Variants in SEMA5A observed in about 807,000 individuals in gnomAD.
SEMA5A encodes the protein semaphorin-5A.
SEMA5A carries 55 observed loss-of-function variants against 135.5 expected under a neutral mutation model. The observed-to-expected ratio is 0.41, with a 90% CI of 0.33 to 0.51. SEMA5A has a LOEUF of 0.51. Among genes scored for constraint, SEMA5A ranks in the 20% least tolerant of loss-of-function variants. The pLI is 0.37. For synonymous variants in SEMA5A, 580 were observed against 546.5 expected (o/e 1.06, Z -0.85); for missense variants, 1,290 against 1,419.9 (o/e 0.91, Z 1.47).
At chr5:9,495,236 C>T (rs1735240103) in intron 1 of SEMA5A, among the ~76,000 whole-genome samples, 1 of 152,094 alleles carries the variant, frequency 6.6e-6, no homozygotes, top group African/African-American at 2.4e-5. Context: ...GTGATTAAAC[C>T]ACCAATACTA....
intron 1 of SEMA5A, among the ~76,000 whole-genome samples, chr5:9,471,760 GA>G (rs1418717064): frequency 2.0e-5 from 3 of 152,132 alleles, no homozygotes; most frequent in Non-Finnish European, 2.9e-5. Flanking sequence ...CTTTTAACAA[GA>G]TTCATTAAAT....
chr5:9,189,388 A>C (rs1744974072), intron 11 of SEMA5A, among the ~76,000 whole-genome samples: 1 of 106,796 alleles, frequency 9.4e-6, no homozygotes, highest in Admixed American at 9.5e-5. Context: ...GATAGTAGCA[A>C]CTTCATGAAA....
At chr5:9,353,098 G>GAAAGGAAAGGGAAAGGAAAGGAAAGGA (rs1378151075) in intron 3 of SEMA5A, among the ~76,000 whole-genome samples, 2 of 21,788 alleles carry the variant, frequency 9.2e-5, no homozygotes, top group African/African-American at 5.0e-4. Context: ...GGAAAGGAAG[G>GAAAGGAAAGGGAAAGGAAAGGAAAGGA]AAGGAAAGGA....
chr5:9,497,120 A>G (rs1735342625), intron 1 of SEMA5A, among the ~76,000 whole-genome samples: 1 of 152,170 alleles, frequency 6.6e-6, no homozygotes, highest in African/African-American at 2.4e-5. Context: ...CACATTAGAT[A>G]CTTATAGGGA....
intron 4 of SEMA5A, among the ~76,000 whole-genome samples, chr5:9,322,655 G>C (rs889576140): frequency 2.0e-5 from 3 of 152,054 alleles, no homozygotes; most frequent in Non-Finnish European, 4.4e-5. Flanking sequence ...TTATAGATGA[G>C]AAAACTTCTA....
intron 1 of SEMA5A, among the ~76,000 whole-genome samples, chr5:9,473,305 T>G (rs1212646991): frequency 6.9e-6 from 1 of 145,396 alleles, no homozygotes; most frequent in African/African-American, 2.5e-5. Flanking sequence ...ACTTAAAAAC[T>G]CTACTTGTAA....
intron 3 of SEMA5A, among the ~76,000 whole-genome samples, chr5:9,370,904 T>G (rs1755108525): frequency 2.0e-5 from 3 of 152,230 alleles, no homozygotes; most frequent in African/African-American, 7.2e-5. Flanking sequence ...ATAAGGATTT[T>G]TATCTACCTT....
chr5:9,297,232 T>C (rs1751382093), intron 5 of SEMA5A, among the ~76,000 whole-genome samples: 1 of 150,504 alleles, frequency 6.6e-6, no homozygotes, highest in African/African-American at 2.5e-5. Flanking sequence ...ACATACTTTT[T>C]CCTAAGTTTT....
intron 2 of SEMA5A, among the ~76,000 whole-genome samples, chr5:9,396,179 A>G (rs1358294675): frequency 6.6e-6 from 1 of 151,822 alleles, no homozygotes; most frequent in African/African-American, 2.4e-5. Context: ...TTAAAACACA[A>G]ACATGAGGCA....
intron 1 of SEMA5A, among the ~76,000 whole-genome samples, chr5:9,534,365 TTTAA>T (rs1321458870): frequency 1.3e-5 from 2 of 152,206 alleles, no homozygotes; most frequent in African/African-American, 2.4e-5. Context: ...AACATACACT[TTTAA>T]TTAAACAACA....
chr5:9,272,594 A>T (rs1750038681), intron 5 of SEMA5A, among the ~76,000 whole-genome samples: 1 of 152,174 alleles, frequency 6.6e-6, no homozygotes. Flanking sequence ...GGGCCGACAG[A>T]CACCTCATAC....
intron 5 of SEMA5A, among the ~76,000 whole-genome samples, chr5:9,300,845 C>T (rs977951777): frequency 1.3e-5 from 2 of 152,146 alleles, no homozygotes; most frequent in Non-Finnish European, 2.9e-5. Flanking sequence ...CAAAGAACAC[C>T]TGGAGCCACT....
chr5:9,138,987 C>T (rs950246470), intron 12 of SEMA5A, among the ~76,000 whole-genome samples: 1 of 152,188 alleles, frequency 6.6e-6, no homozygotes, highest in African/African-American at 2.4e-5. Context: ...TTTCTTCAAC[C>T]TCTCCTTGAT....
At chr5:9,514,527 G>A (rs1270225211) in intron 1 of SEMA5A, among the ~76,000 whole-genome samples, 2 of 152,200 alleles carry the variant, frequency 1.3e-5, no homozygotes, top group Non-Finnish European at 2.9e-5. Flanking sequence ...TCCCTGATAT[G>A]TAATAGTGTA....
At chr5:9,539,056 T>C (rs4702633) in intron 1 of SEMA5A, among the ~76,000 whole-genome samples, 124,088 of 152,228 alleles carry the variant, frequency 0.82, 50,660 homozygotes, top group Non-Finnish European at 0.85. Flanking sequence ...TCTCCACAAT[T>C]CAGTTTCTTA....
At chr5:9,084,029 C>G (rs1738542070) in intron 16 of SEMA5A, among the ~76,000 whole-genome samples, 1 of 152,100 alleles carries the variant, frequency 6.6e-6, no homozygotes, top group African/African-American at 2.4e-5. Context: ...AATATCATTG[C>G]TAACAAAAGG....
chr5:9,136,434 C>T (rs975805285), intron 13 of SEMA5A, 70 bp downstream of exon 13: 11 of 1,304,656 alleles, frequency 8.4e-6, no homozygotes, highest in East Asian at 6.9e-5. Context: ...GACAGTGTGA[C>T]TGAGGATCGC....
rs144477321 is a variant in SEMA5A at position 9,526,830 on chromosome 5, C to T, written c.-175+18754G>A. ...TGGGAAAGCTACCCACCCTACTGGGCTGTCAGTGACTTCATAAGACAATGC... is the reference window on the plus strand; with the variant it reads ...TGGGAAAGCTACCCACCCTACTGGGTTGTCAGTGACTTCATAAGACAATGC... On this transcript the variant is annotated intron_variant, in intron 1 of 22. Coordinates refer to ENST00000382496, the MANE Select transcript of SEMA5A (RefSeq NM_003966.3). Among the ~76,000 whole-genome samples, 48 of 152,306 alleles carry T rather than the reference C, an allele frequency of 3.2e-4. No individual in the cohort carries two copies. The East Asian group carries it at 6.6e-3, about 21-fold the overall frequency.
chr5:9,458,320 T>C (rs1227836043), intron 1 of SEMA5A, among the ~76,000 whole-genome samples: 1 of 152,204 alleles, frequency 6.6e-6, no homozygotes, highest in Non-Finnish European at 1.5e-5. Context: ...CATAGCAGTT[T>C]TGTTCTAAAT....
Sources: gnomAD v4.1 joint callset for allele counts (sites outside exome capture counted in the v4.1 genomes callset) on GRCh38, gnomAD v4.1.1 for gene constraint, MANE v1.5 for transcripts, NCBI Gene and HGNC (gene_info 2026-07-23, HGNC 2026-07-21) for gene names.